Variants in ARHGAP24 observed in about 807,000 individuals in gnomAD.
ARHGAP24 encodes the protein rho GTPase-activating protein 24.
ARHGAP24 carries 50 observed loss-of-function variants against 76.4 expected under a neutral mutation model. The observed-to-expected ratio is 0.65, with a 90% CI of 0.52 to 0.83. The LOEUF is 0.83. Among genes scored for constraint, ARHGAP24 ranks in the 40% least tolerant of loss-of-function variants. ARHGAP24 has a pLI of 0.00. For missense variants in ARHGAP24, 930 were observed against 914.2 expected, an observed-to-expected ratio of 1.02 and a Z score of -0.22; for synonymous variants, 345 against 323.3, an observed-to-expected ratio of 1.07 and a Z score of -0.72.
At chr4:85,618,135 C>T (rs1388438218) in intron 2 of ARHGAP24, among the ~76,000 whole-genome samples, 1 of 152,174 alleles carries the variant, frequency 6.6e-6, no homozygotes, top group African/African-American at 2.4e-5. Context: ...CCTTGACCAA[C>T]ATCTCCCCAT....
chr4:85,901,389 CA>C lies in ARHGAP24; in HGVS notation c.269-22247del, dbSNP rs919133191. On this transcript the variant is annotated intron_variant, in intron 3 of 9. Coordinates refer to ENST00000395184, the MANE Select transcript of ARHGAP24 (RefSeq NM_001025616.3). ...AGAGGGAAAACAAACAAACAAACAACAAAAAAAAAAAACTGACAAAACCATA... is the reference window on the plus strand; with the variant it reads ...AGAGGGAAAACAAACAAACAAACAACAAAAAAAAAAACTGACAAAACCATA... Among the ~76,000 whole-genome samples, 627 of 147,964 alleles carry C rather than the reference CA, an allele frequency of 4.2e-3. 7 individuals are homozygous for C. The highest frequency in any genetic ancestry group is 0.014 in the African/African-American group (558 of 40,814).
chr4:85,826,302 C>G (rs907149686), intron 3 of ARHGAP24, among the ~76,000 whole-genome samples: 2 of 152,176 alleles, frequency 1.3e-5, no homozygotes, highest in African/African-American at 4.8e-5. Context: ...TTCTCCATCC[C>G]CCTCAAACAC....
chr4:85,856,424 A>G (rs1404389991), intron 3 of ARHGAP24, among the ~76,000 whole-genome samples: 1 of 151,244 alleles, frequency 6.6e-6, no homozygotes, highest in Non-Finnish European at 1.5e-5. Flanking sequence ...TACAATGAAC[A>G]TATGATACTT....
intron 2 of ARHGAP24, among the ~76,000 whole-genome samples, chr4:85,666,283 T>C (rs1722613635): frequency 1.3e-5 from 2 of 152,348 alleles, no homozygotes; most frequent in East Asian, 1.9e-4. Context: ...CCATCACTGA[T>C]ACCCTTTCTT....
At chr4:85,667,329 G>A (rs1184113076) in intron 2 of ARHGAP24, among the ~76,000 whole-genome samples, 7 of 152,150 alleles carry the variant, frequency 4.6e-5, no homozygotes, top group African/African-American at 9.7e-5. Flanking sequence ...CTCCTGGTGC[G>A]CCATTTTTTA....
intron 4 of ARHGAP24, chr4:85,930,636 T>A: frequency 9.1e-7 from 1 of 1,102,654 alleles, no homozygotes; most frequent in Non-Finnish European, 1.1e-6. Context: ...TTGCTGCAGT[T>A]CTTTTCCTGT....
At chr4:85,814,978 A>G (rs1045403607) in intron 3 of ARHGAP24, among the ~76,000 whole-genome samples, 10 of 152,266 alleles carry the variant, frequency 6.6e-5, no homozygotes, top group Non-Finnish European at 1.2e-4. Context: ...ACTTCTTTGC[A>G]CTTGCAAGCT....
At chr4:85,550,629 T>C (rs537661843) in intron 1 of ARHGAP24, among the ~76,000 whole-genome samples, 2 of 152,220 alleles carry the variant, frequency 1.3e-5, no homozygotes, top group African/African-American at 2.4e-5. Context: ...AATCTGTAAA[T>C]TGCTTTTGGC....
intron 3 of ARHGAP24, among the ~76,000 whole-genome samples, chr4:85,894,721 A>C (rs1339290364): frequency 1.3e-5 from 2 of 152,084 alleles, no homozygotes; most frequent in Non-Finnish European, 2.9e-5. Flanking sequence ...GCATTTTGGG[A>C]GACCGAGGTG....
At chr4:85,843,074 A>T (rs1167320213) in intron 3 of ARHGAP24, among the ~76,000 whole-genome samples, 2 of 152,240 alleles carry the variant, frequency 1.3e-5, no homozygotes, top group Admixed American at 6.5e-5. Context: ...TGAATATTTC[A>T]TAATAAGTTA....
intron 3 of ARHGAP24, among the ~76,000 whole-genome samples, chr4:85,842,403 G>A (rs904547859): frequency 6.6e-6 from 1 of 152,112 alleles, no homozygotes; most frequent in Non-Finnish European, 1.5e-5. Flanking sequence ...CTACAGATTG[G>A]AGGGAGCAGT....
At chr4:85,981,116 C>CAATG (rs1262888486) in intron 8 of ARHGAP24, among the ~76,000 whole-genome samples, 2 of 152,152 alleles carry the variant, frequency 1.3e-5, no homozygotes, top group Admixed American at 6.6e-5. Flanking sequence ...AAAAGTAACA[C>CAATG]AATGATTGGC....
At chr4:85,480,410 G>A (rs1722768767) in intron 1 of ARHGAP24, among the ~76,000 whole-genome samples, 1 of 152,082 alleles carries the variant, frequency 6.6e-6, no homozygotes, top group Admixed American at 6.5e-5. Flanking sequence ...TAAATTTGAT[G>A]CTCAATTGTA....
chr4:85,656,801 A>G (rs1722193825), intron 2 of ARHGAP24, among the ~76,000 whole-genome samples: 1 of 152,212 alleles, frequency 6.6e-6, no homozygotes, highest in East Asian at 1.9e-4. Context: ...GCTTTAAAAA[A>G]AAAATACAAG....
rs150371387 is a variant in ARHGAP24, at chr4:85,612,492, G to A, written c.180+41771G>A. Among the ~76,000 whole-genome samples, 1,069 of 151,722 alleles carry A rather than the reference G, an allele frequency of 7.0e-3. 14 individuals carry two copies. The highest frequency in any genetic ancestry group is 0.025 in the African/African-American group (1,021 of 41,426). On this transcript the variant is annotated intron_variant, in intron 2 of 9. Transcript: ENST00000395184. ...CAAAAGCATCCAAGTAGCAAAATGC[G>A]TAATTTCATATTTAAATATTATCTT...
intron 2 of ARHGAP24, among the ~76,000 whole-genome samples, chr4:85,590,485 G>A (rs954706719): frequency 3.3e-5 from 5 of 151,910 alleles, no homozygotes; most frequent in East Asian, 1.9e-4. Flanking sequence ...CCAGCATCCC[G>A]AGTAGTTGGG....
intron 2 of ARHGAP24, among the ~76,000 whole-genome samples, chr4:85,633,986 A>T (rs937788125): frequency 1.3e-5 from 2 of 151,840 alleles, no homozygotes; most frequent in Non-Finnish European, 3.0e-5. Flanking sequence ...CCCCCTTCAG[A>T]AGATATTGAT....
At chr4:85,955,100 A>G (rs1737834954) in intron 5 of ARHGAP24, among the ~76,000 whole-genome samples, 2 of 152,208 alleles carry the variant, frequency 1.3e-5, no homozygotes, top group African/African-American at 2.4e-5. Context: ...GCTGCTGTTC[A>G]GTAGTAGAAG....
At chr4:85,738,174 G>A (rs1215830775) in intron 3 of ARHGAP24, among the ~76,000 whole-genome samples, 1 of 152,048 alleles carries the variant, frequency 6.6e-6, no homozygotes, top group Non-Finnish European at 1.5e-5. Context: ...ACCCACCTTG[G>A]CCTCCCAGAG....
Sources: gnomAD v4.1 joint callset for allele counts (sites outside exome capture counted in the v4.1 genomes callset) on GRCh38, gnomAD v4.1.1 for gene constraint, MANE v1.5 for transcripts, NCBI Gene and HGNC (gene_info 2026-07-23, HGNC 2026-07-21) for gene names.